ZNF292: variants seen among roughly 807,000 people sequenced by gnomAD.
The protein encoded by ZNF292 is zinc finger protein 292.
In ZNF292, 26 loss-of-function variants were observed where a neutral mutation model predicts 217.9. The observed-to-expected ratio is 0.12, with a 90% CI of 0.09 to 0.17. The LOEUF is 0.17. ZNF292 is among the 10% of genes least tolerant of loss of function. The probability of loss-of-function intolerance (pLI) is 1.00; values close to 1 mark genes in which losing one functional copy is unlikely to be tolerated. For missense variants in ZNF292, 2,904 were observed against 3,175.2 expected (o/e 0.91, Z 2.05); for synonymous variants, 1,257 against 1,124.1 (o/e 1.12, Z -2.37).
chr6:87,226,835 T>A (rs1174247200), intron 4 of ZNF292, among the ~76,000 whole-genome samples: 1 of 151,766 alleles, frequency 6.6e-6, no homozygotes, highest in Non-Finnish European at 1.5e-5. Context: ...TGCACCACCA[T>A]GCCCAGCTAA....
Position 87,259,268 on chromosome 6 carries a change from T to C in ZNF292, c.5639T>C (p.Ile1880Thr), listed in dbSNP as rs561998911. Reference sequence around the variant, plus strand: ...ACGCCTGTTAAATCAACTGCAGATATCACAGTTATTCAGCCAGTTTCTGAA... The same window carrying C: ...ACGCCTGTTAAATCAACTGCAGATACCACAGTTATTCAGCCAGTTTCTGAA... Reference protein sequence around the residue: ...TPTPVKSTADITVIQPVSEMI... With the variant: ...TPTPVKSTADTTVIQPVSEMI... The change falls in exon 8 of 8, where the codon ATC (isoleucine) becomes ACC (threonine). Residue 1880 changes from isoleucine to threonine, a missense_variant. Ile to Thr is a moderately conservative substitution (Grantham distance 89). Around this residue, in one of 15 missense-constraint regions of ZNF292, gnomAD observed 622 missense variants for 573.1 expected, o/e 1.09. Transcript: ENST00000369577. 6 of 1,613,662 alleles carry C rather than the reference T, an allele frequency of 3.7e-6. No individual in the cohort carries two copies. In the African/African-American group the frequency reaches 5.3e-5, roughly 14 times the overall value.
Position 87,257,152 on chromosome 6 carries a change from A to G in ZNF292, c.3523A>G (p.Asn1175Asp). ...ATTTTTTACATCACAGACCAAAGCC[A>G]ATGGGAATCCTGCTTGTTCGGCCCA... ...NPFFTSQTKA[N>D]GNPACSAQLQ... Residue 1175 changes from asparagine (N) to aspartate (D), a missense_variant, in exon 8 of 8, where the codon AAT becomes GAT. Asn to Asp is a conservative substitution (Grantham distance 23). Coordinates refer to ENST00000369577, the MANE Select transcript of ZNF292 (RefSeq NM_015021.3). The G allele has an allele frequency of 4.3e-6, 7 of 1,613,948 alleles. No individual in the cohort carries two copies. Among genetic ancestry groups the G allele is most frequent in the Non-Finnish European group, 5.9e-6 (7 of 1,179,872 alleles).
intron 1 of ZNF292, among the ~76,000 whole-genome samples, chr6:87,168,243 G>A (rs1430889269): frequency 1.3e-5 from 2 of 152,118 alleles, no homozygotes; most frequent in African/African-American, 4.8e-5. Flanking sequence ...TGCCTTGTAG[G>A]ACCTCATCAT....
chr6:87,222,699 TTTG>T (rs1269735737), intron 4 of ZNF292: 5 of 409,696 alleles, frequency 1.2e-5, no homozygotes, highest in Non-Finnish European at 2.5e-5. Context: ...ATATTTATAC[TTTG>T]TTATTAATTA....
chr6:87,209,577 G>C (rs60299482), intron 1 of ZNF292, among the ~76,000 whole-genome samples: 1,585 of 152,308 alleles, frequency 0.01, 28 homozygotes, highest in African/African-American at 0.035. Context: ...AAGTTTACAT[G>C]ATGTGTGGTA....
intron 1 of ZNF292, chr6:87,173,369 T>A (rs1019483763): frequency 6.5e-6 from 1 of 152,716 alleles, no homozygotes; most frequent in Non-Finnish European, 1.5e-5. Flanking sequence ...ATTACTTTTT[T>A]ATTTTCTGTT....
At chr6:87,179,226 C>G (rs1771393837) in intron 1 of ZNF292, among the ~76,000 whole-genome samples, 1 of 132,414 alleles carries the variant, frequency 7.6e-6, no homozygotes, top group African/African-American at 2.9e-5. Flanking sequence ...CTGGCTTGAT[C>G]TCAGCTCACT....
intron 5 of ZNF292, among the ~76,000 whole-genome samples, chr6:87,236,616 TTCTA>T (rs1773916888): frequency 6.6e-6 from 1 of 152,174 alleles, no homozygotes; most frequent in African/African-American, 2.4e-5. Flanking sequence ...AACTAAAACT[TTCTA>T]TCTTGTATCT....
At chr6:87,225,586 C>G (rs1773306118) in intron 4 of ZNF292, among the ~76,000 whole-genome samples, 1 of 152,124 alleles carries the variant, frequency 6.6e-6, no homozygotes, top group African/African-American at 2.4e-5. Flanking sequence ...CATCTTGGCT[C>G]TTACTAGTCT....
intron 1 of ZNF292, among the ~76,000 whole-genome samples, chr6:87,214,058 G>C (rs187215309): frequency 4.6e-4 from 70 of 152,306 alleles, no homozygotes; most frequent in Middle Eastern, 3.4e-3. Flanking sequence ...CTGAGCCCCA[G>C]CACCTGCAAA....
At chr6:87,233,628 T>C (rs1562160470) in intron 5 of ZNF292, 101 bp downstream of exon 5, 2 of 1,484,126 alleles carry the variant, frequency 1.3e-6, no homozygotes, top group Non-Finnish European at 8.9e-7. Flanking sequence ...AGCGAAGAGA[T>C]CATTGTCAAT....
At chr6:87,233,780 G>C (rs993485970) in intron 5 of ZNF292, 7 of 468,786 alleles carry the variant, frequency 1.5e-5, no homozygotes, top group Admixed American at 6.4e-5. Context: ...GGGAAAGATA[G>C]TGGTGGCTTA....
chr6:87,170,325 T>G (rs1308407450), intron 1 of ZNF292: 2 of 152,208 alleles, frequency 1.3e-5, no homozygotes, highest in Non-Finnish European at 2.9e-5. Context: ...TAGTGCACAT[T>G]GCATAAAATG....
chr6:87,197,981 A>G (rs539323614), intron 1 of ZNF292, among the ~76,000 whole-genome samples: 92 of 152,188 alleles, frequency 6.0e-4, no homozygotes, highest in African/African-American at 2.0e-3. Flanking sequence ...GATAAAAGTA[A>G]TATGATTTGA....
chr6:87,210,720 C>T (rs1378126056), intron 1 of ZNF292, among the ~76,000 whole-genome samples: 1 of 152,080 alleles, frequency 6.6e-6, no homozygotes, highest in Non-Finnish European at 1.5e-5. Flanking sequence ...GCGGAGCTTG[C>T]TGTGAGCCGA....
intron 1 of ZNF292, among the ~76,000 whole-genome samples, chr6:87,194,400 G>A (rs1391050382): frequency 6.6e-6 from 1 of 151,884 alleles, no homozygotes; most frequent in African/African-American, 2.4e-5. Context: ...GAAATAAATA[G>A]AATTAAAAAT....
At chr6:87,244,377 C>T (rs1487957679) in intron 6 of ZNF292, among the ~76,000 whole-genome samples, 2 of 152,100 alleles carry the variant, frequency 1.3e-5, no homozygotes, top group Non-Finnish European at 1.5e-5. Flanking sequence ...AAGTATTTAT[C>T]CAGGACAAGT....
At chr6:87,239,822 C>T (rs1774159523) in intron 5 of ZNF292, among the ~76,000 whole-genome samples, 1 of 151,878 alleles carries the variant, frequency 6.6e-6, no homozygotes. Context: ...CTCCTCACTT[C>T]CTAGACGGGA....
intron 1 of ZNF292, among the ~76,000 whole-genome samples, chr6:87,169,243 G>C (rs940579294): frequency 2.0e-5 from 3 of 151,864 alleles, no homozygotes; most frequent in Non-Finnish European, 4.4e-5. Flanking sequence ...GTTTCACCAC[G>C]TTGGCCAGGC....
Sources: gnomAD v4.1 joint callset for allele counts (sites outside exome capture counted in the v4.1 genomes callset) on GRCh38, gnomAD v4.1.1 for gene constraint, gnomAD v4.1.1 regional missense constraint, MANE v1.5 for transcripts, NCBI Gene and HGNC (gene_info 2026-07-23, HGNC 2026-07-21) for gene names.